The following FOXP1 variants were observed in gnomAD, a reference collection of about 807,000 sequenced individuals.
FOXP1 encodes forkhead box P1.
Under a neutral mutation model 98.2 loss-of-function variants are expected in FOXP1, and 15 were observed. The ratio of observed to expected loss-of-function variants is 0.15; its 90% CI spans 0.10 to 0.24. The LOEUF is 0.24. Ranked by LOEUF, FOXP1 falls within the 10% of genes least tolerant of loss-of-function variation. The probability of loss-of-function intolerance (pLI) is 1.00; values close to 1 mark genes in which losing one functional copy is unlikely to be tolerated. For missense variants in FOXP1, 633 were observed against 848.5 expected, an observed-to-expected ratio of 0.75 and a Z score of 3.15; for synonymous variants, 371 against 314.5, an observed-to-expected ratio of 1.18 and a Z score of -1.90.
At chr3:71,011,254 G>A (rs996514950) in intron 12 of FOXP1, among the ~76,000 whole-genome samples, 4 of 152,192 alleles carry the variant, frequency 2.6e-5, no homozygotes, top group African/African-American at 9.6e-5. Flanking sequence ...CAGCCCCCAT[G>A]TGGTTCACGT....
intron 3 of FOXP1, among the ~76,000 whole-genome samples, chr3:71,396,677 C>T (rs931273893): frequency 1.3e-5 from 2 of 148,434 alleles, no homozygotes; most frequent in African/African-American, 2.6e-5. Flanking sequence ...ATAATGAACA[C>T]TTGGGACCCC....
intron 3 of FOXP1, among the ~76,000 whole-genome samples, chr3:71,419,925 G>C (rs897402055): frequency 2.6e-5 from 4 of 151,692 alleles, no homozygotes; most frequent in African/African-American, 9.7e-5. Flanking sequence ...AGTGATTCTC[G>C]TGCCTCAGCC....
intron 3 of FOXP1, among the ~76,000 whole-genome samples, chr3:71,443,406 C>T (rs946122558): frequency 6.6e-6 from 1 of 152,166 alleles, no homozygotes; most frequent in Non-Finnish European, 1.5e-5. Flanking sequence ...TAATGACAGT[C>T]GCCCTACTGT....
chr3:71,137,004 C>T (rs2059850541), intron 6 of FOXP1, among the ~76,000 whole-genome samples: 1 of 152,148 alleles, frequency 6.6e-6, no homozygotes, highest in African/African-American at 2.4e-5. Flanking sequence ...TTATGAAGCA[C>T]TCCCTTTTGT....
intron 3 of FOXP1, among the ~76,000 whole-genome samples, chr3:71,406,311 G>A (rs553264229): frequency 5.3e-5 from 8 of 151,116 alleles, no homozygotes; most frequent in African/African-American, 1.9e-4. Context: ...CCAGCTTCTT[G>A]GAGCTGCTCA....
chr3:71,302,513 TAAAA>T (rs34872613), intron 4 of FOXP1, among the ~76,000 whole-genome samples: 5 of 131,800 alleles, frequency 3.8e-5, no homozygotes, highest in Admixed American at 7.5e-5. Context: ...AGCTTTTATG[TAAAA>T]AAAAAAAAAA....
At chr3:71,401,618 A>G (rs892425523) in intron 3 of FOXP1, among the ~76,000 whole-genome samples, 4 of 152,166 alleles carry the variant, frequency 2.6e-5, no homozygotes, top group African/African-American at 9.7e-5. Context: ...TAGCCTCTTA[A>G]AAGGGATGCG....
At chr3:71,576,991 A>G (rs2047770329) in intron 2 of FOXP1, among the ~76,000 whole-genome samples, 1 of 152,184 alleles carries the variant, frequency 6.6e-6, no homozygotes, top group South Asian at 2.1e-4. Flanking sequence ...GGCATTGCAA[A>G]AAGAAAAACA....
chr3:71,470,414 A>G (rs1307898886), intron 3 of FOXP1, among the ~76,000 whole-genome samples: 2 of 152,210 alleles, frequency 1.3e-5, no homozygotes, highest in Non-Finnish European at 2.9e-5. Flanking sequence ...TTTCTTAATG[A>G]CTTGAGTCAA....
At chr3:71,041,571 C>G (rs1245068465) in intron 10 of FOXP1, 39 bp from the exon 11 acceptor site, 1 of 1,569,666 alleles carries the variant, frequency 6.4e-7, no homozygotes, top group Non-Finnish European at 8.8e-7. Context: ...CAATTAACAG[C>G]TAATTCCGTC....
chr3:70,959,120 T>C lies in FOXP1; in HGVS notation c.*127A>G, dbSNP rs2032561128. 1 of 1,101,444 alleles carries C rather than the reference T, an allele frequency of 9.1e-7. No individual in the cohort carries two copies. The highest frequency in any genetic ancestry group is 1.4e-6 in the Non-Finnish European group (1 of 736,532). The allele number at this position is 1,101,444 out of a possible 1,614,324, so 68.2% of individuals were successfully genotyped here. ...TAAGAGTTAACACATTTCAGAGTTG[T>C]CAAAACGTAGTGAAAATCCTCCAGA... is the stretch of plus-strand genomic sequence containing the variant. On this transcript the variant is annotated 3_prime_UTR_variant, in exon 21 of 21. Coordinates refer to ENST00000649528, the MANE Select transcript of FOXP1 (RefSeq NM_001349338.3).
chr3:70,992,849 CTCT>C (rs1259178554), intron 13 of FOXP1, among the ~76,000 whole-genome samples: 2 of 152,136 alleles, frequency 1.3e-5, no homozygotes, highest in African/African-American at 2.4e-5. Flanking sequence ...GAGACTCTCT[CTCT>C]TCTTTTTCTT....
chr3:70,982,746 C>A (rs2039078217), intron 14 of FOXP1, among the ~76,000 whole-genome samples: 2 of 151,546 alleles, frequency 1.3e-5, no homozygotes, highest in South Asian at 4.2e-4. Flanking sequence ...GTAATCTCCC[C>A]TCCTGTTTAA....
chr3:71,017,840 T>C (rs1055171551), intron 11 of FOXP1, among the ~76,000 whole-genome samples: 5 of 152,204 alleles, frequency 3.3e-5, no homozygotes, highest in African/African-American at 1.2e-4. Flanking sequence ...AGAAATAGAA[T>C]CACTCAATTA....
intron 7 of FOXP1, among the ~76,000 whole-genome samples, chr3:71,084,735 A>T (rs2054837208): frequency 6.6e-6 from 1 of 152,180 alleles, no homozygotes; most frequent in Admixed American, 6.5e-5. Flanking sequence ...ATGATTTTTT[A>T]AAATAAATCA....
At chr3:70,996,932 T>C (rs2041455688) in intron 13 of FOXP1, among the ~76,000 whole-genome samples, 1 of 152,174 alleles carries the variant, frequency 6.6e-6, no homozygotes, top group African/African-American at 2.4e-5. Flanking sequence ...TCATCCCCCT[T>C]TGGAAATTGA....
chr3:71,533,082 G>T (rs2043988927), intron 2 of FOXP1, among the ~76,000 whole-genome samples: 1 of 152,142 alleles, frequency 6.6e-6, no homozygotes, highest in African/African-American at 2.4e-5. Flanking sequence ...TTCTGCAGCG[G>T]CCAGTGAGAA....
chr3:70,999,691 A>T (rs1435943817), intron 13 of FOXP1, among the ~76,000 whole-genome samples: 1 of 151,724 alleles, frequency 6.6e-6, no homozygotes, highest in African/African-American at 2.4e-5. Flanking sequence ...ATTAAAAAAA[A>T]ATCCTTTCTA....
intron 8 of FOXP1, among the ~76,000 whole-genome samples, chr3:71,052,888 T>G (rs1298478706): frequency 6.6e-6 from 1 of 152,196 alleles, no homozygotes; most frequent in Non-Finnish European, 1.5e-5. Flanking sequence ...AGAATGACCT[T>G]TGATTGTACA....
Sources: allele counts gnomAD v4.1 joint callset (sites outside exome capture counted in the v4.1 genomes callset), GRCh38; gene constraint gnomAD v4.1.1; transcripts MANE v1.5; gene names NCBI Gene and HGNC (gene_info 2026-07-23, HGNC 2026-07-21).